AMOTL1: variants seen among roughly 807,000 people sequenced by gnomAD.
AMOTL1 encodes angiomotin like 1, also known as angiomotin-like protein 1.
AMOTL1 carries 45 observed loss-of-function variants against 102.9 expected under a neutral mutation model. The ratio of observed to expected loss-of-function variants is 0.44; its 90% CI spans 0.34 to 0.56. The LOEUF (loss-of-function observed/expected upper bound fraction) is 0.56, where lower values mean the gene tolerates loss of function less well. Ranked by LOEUF, AMOTL1 falls within the 20% of genes least tolerant of loss-of-function variation. The pLI, the probability that AMOTL1 is intolerant of heterozygous loss-of-function variation, is 0.01. For synonymous variants in AMOTL1, 481 were observed against 484.7 expected, an observed-to-expected ratio of 0.99 and a Z score of 0.10; for missense variants, 1,114 against 1,225.6, an observed-to-expected ratio of 0.91 and a Z score of 1.36.
At position 94,800,162 on chromosome 11, in the gene AMOTL1, C is replaced by T. The variant is rs1951448593; in HGVS notation, c.972C>T (p.Val324=). 2 of 1,613,994 alleles carry T rather than the reference C, an allele frequency of 1.2e-6. No homozygotes were observed. The highest frequency in any genetic ancestry group is 1.3e-5 in the African/African-American group (1 of 75,038). Residue 324 remains valine (V), a synonymous_variant, in exon 3 of 13, where the codon GTC becomes GTT. Coordinates refer to ENST00000433060, the MANE Select transcript of AMOTL1 (RefSeq NM_130847.3). ...AGACCAAGCAAATGATGTCCCCAGT[C>T]AGCAAGACCCAGGAGCACGGACTTT... ...PFKTKQMMSP[V]SKTQEHGLFY... is the part of the protein sequence containing the mutation.
At position 94,866,097 on chromosome 11, in the gene AMOTL1, G is replaced by C; in HGVS notation, c.2417G>C (p.Arg806Pro). Reference sequence around the variant, plus strand: ...GCAGCAGCTACTGGGACACACTCTCGCCAGACCTCTCTTACCAGCAGCCAG... The same window carrying C: ...GCAGCAGCTACTGGGACACACTCTCCCCAGACCTCTCTTACCAGCAGCCAG... Reference protein sequence around the residue: ...SIAAATGTHSRQTSLTSSQLA... With the variant: ...SIAAATGTHSPQTSLTSSQLA... The change falls in exon 11 of 13, where the codon CGC becomes CCC. Residue 806 changes from arginine (R) to proline (P), a missense_variant. By Grantham distance (103) the Arg-to-Pro change is moderately radical. Coordinates refer to ENST00000433060, the MANE Select transcript of AMOTL1 (RefSeq NM_130847.3). 6.2e-7 allele frequency: 1 copy of C among 1,613,952 alleles called. No homozygotes were observed. Among genetic ancestry groups the C allele is most frequent in the Non-Finnish European group, 8.5e-7 (1 of 1,179,882 alleles).
At chr11:94,769,162 T>C (rs1444484720) in intron 1 of AMOTL1, among the ~76,000 whole-genome samples, 16 of 152,236 alleles carry the variant, frequency 1.1e-4, no homozygotes, top group African/African-American at 3.9e-4. Context: ...TTTGACAAAC[T>C]GGAGAGTTAC....
At chr11:94,792,129 A>G (rs1951294127) in intron 1 of AMOTL1, among the ~76,000 whole-genome samples, 1 of 152,232 alleles carries the variant, frequency 6.6e-6, no homozygotes, top group Non-Finnish European at 1.5e-5. Context: ...ACCATGGAAT[A>G]CTATGCAGCC....
At chr11:94,763,596 G>A (rs867952368), upstream of AMOTL1, among the ~76,000 whole-genome samples, 7 of 152,064 alleles carry the variant, frequency 4.6e-5, no homozygotes, top group African/African-American at 1.5e-4. Context: ...AAGCCTTACC[G>A]ATAATATAAA....
chr11:94,755,265 G>A (rs1950707385), intron 3 of AMOTL1, among the ~76,000 whole-genome samples: 1 of 152,060 alleles, frequency 6.6e-6, no homozygotes, highest in South Asian at 2.1e-4. Flanking sequence ...TGGCTTCTGG[G>A]GTCTGAATGT....
In AMOTL1 at chr11:94,836,760, C is replaced by CTT. The variant is rs200404531; in HGVS notation, c.1648+5233_1648+5234dup. Among the ~76,000 whole-genome samples, 198 of 140,838 alleles carry CTT rather than the reference C, an allele frequency of 1.4e-3. 1 individual carries two copies. The highest frequency in any genetic ancestry group is 4.5e-3 in the African/African-American group (170 of 37,924). 92.4% of individuals were successfully genotyped at this position (140,838 alleles called of 152,430 possible). ...TTTTTGCATTCTTTCTTCCTTCCTT[C>CTT]TTTTTTTTTTTTTTTAGAATAGAAG... On this transcript the variant is annotated intron_variant, in intron 6 of 12. Coordinates refer to ENST00000433060, the MANE Select transcript of AMOTL1 (RefSeq NM_130847.3).
At chr11:94,762,692 C>G (rs373519598) in intron 3 of AMOTL1, among the ~76,000 whole-genome samples, 1 of 152,204 alleles carries the variant, frequency 6.6e-6, no homozygotes, top group African/African-American at 2.4e-5. Context: ...GGGTCTGACA[C>G]CAGTTTGTTT....
intron 9 of AMOTL1, among the ~76,000 whole-genome samples, chr11:94,861,659 G>A (rs1046103955): frequency 1.3e-5 from 2 of 152,162 alleles, no homozygotes; most frequent in Non-Finnish European, 2.9e-5. Context: ...ATGAGAGCAG[G>A]GAACCTGACC....
chr11:94,744,980 T>C (rs1277657701), intron 3 of AMOTL1, among the ~76,000 whole-genome samples: 6 of 152,352 alleles, frequency 3.9e-5, no homozygotes, highest in Middle Eastern at 3.4e-3. Context: ...ACTTTTAGTG[T>C]TGATTTGTTG....
At chr11:94,831,378 TA>T in intron 5 of AMOTL1, 73 bp from the exon 6 acceptor site, 1 of 1,250,642 alleles carries the variant, frequency 8.0e-7, no homozygotes, top group Non-Finnish European at 1.1e-6. Context: ...TCTTGGCACA[TA>T]TTTCATTTCT....
rs1951440275 is a variant in AMOTL1, at chr11:94,799,894, C to G, written c.704C>G (p.Thr235Ser). 1.2e-6 allele frequency: 2 copies of G among 1,602,088 alleles called. No homozygotes were observed. The highest frequency in any genetic ancestry group is 1.7e-6 in the Non-Finnish European group (2 of 1,173,630). Reference sequence around the variant, plus strand: ...AAGTCCCGAACTGAGGGGAGGCCCACTGTGAACCGTGCCAACAGTGGACAG... The same window carrying G: ...AAGTCCCGAACTGAGGGGAGGCCCAGTGTGAACCGTGCCAACAGTGGACAG... Reference protein sequence around the residue: ...SQKSRTEGRPTVNRANSGQAH... With the variant: ...SQKSRTEGRPSVNRANSGQAH... The change falls in exon 3 of 13, where the codon ACT becomes AGT. Residue 235 changes from threonine (T) to serine (S), a missense_variant. Physicochemically the swap from Thr to Ser is moderately conservative, Grantham distance 58. Coordinates refer to ENST00000433060, the MANE Select transcript of AMOTL1 (RefSeq NM_130847.3). The surrounding 1 kb of genome is among the most constrained non-coding windows in gnomAD (Gnocchi z 4.5).
intron 1 of AMOTL1, among the ~76,000 whole-genome samples, chr11:94,783,821 T>C (rs553314390): frequency 1.3e-5 from 2 of 152,342 alleles, no homozygotes; most frequent in East Asian, 1.9e-4. Flanking sequence ...TATATCTTTG[T>C]GGAATGAATG....
At chr11:94,756,965 A>C (rs2135496659) in intron 3 of AMOTL1, among the ~76,000 whole-genome samples, 1 of 145,058 alleles carries the variant, frequency 6.9e-6, no homozygotes, top group South Asian at 2.3e-4. Flanking sequence ...TATAATTACT[A>C]ATTTACCTAA....
At chr11:94,787,687 CAAAAAAAAAAAAAAAAAAAAAAA>C (rs59563004) in intron 1 of AMOTL1, among the ~76,000 whole-genome samples, 56 of 57,550 alleles carry the variant, frequency 9.7e-4, no homozygotes, top group African/African-American at 4.2e-3. Context: ...AACTCCGTCT[CAAAAAAAAAAAAAAAAAAAAAAA>C]AAAAAAAAAA....
chr11:94,818,679 A>G (rs1406389382), intron 3 of AMOTL1, among the ~76,000 whole-genome samples: 1 of 152,176 alleles, frequency 6.6e-6, no homozygotes, highest in African/African-American at 2.4e-5. Context: ...AATGTTTTTC[A>G]ATGTTTATTA....
chr11:94,707,248 C>CTGTGTGTG (rs1225814157), intron 1 of AMOTL1, among the ~76,000 whole-genome samples: 946 of 65,858 alleles, frequency 0.014, 8 homozygotes, highest in African/African-American at 0.033. Flanking sequence ...CTCTCTCTCT[C>CTGTGTGTG]TCTGTGTGTG....
chr11:94,715,989 A>G (rs1049255296), intron 1 of AMOTL1, among the ~76,000 whole-genome samples: 1 of 152,102 alleles, frequency 6.6e-6, no homozygotes, highest in Non-Finnish European at 1.5e-5. Context: ...GATGCTAATG[A>G]TAAAATATTA....
At chr11:94,866,916 A>G in intron 11 of AMOTL1, among the ~76,000 whole-genome samples, 1 of 152,150 alleles carries the variant, frequency 6.6e-6, no homozygotes, top group East Asian at 1.9e-4. Flanking sequence ...TCTTGGGGGC[A>G]GGCAGGCTTG....
At chr11:94,744,836 T>A (rs957578838) in intron 3 of AMOTL1, among the ~76,000 whole-genome samples, 2 of 152,164 alleles carry the variant, frequency 1.3e-5, no homozygotes, top group Non-Finnish European at 2.9e-5. Flanking sequence ...AAAGCACACA[T>A]AACAGAACCT....
Sources: gnomAD v4.1 joint callset for allele counts (sites outside exome capture counted in the v4.1 genomes callset) on GRCh38, gnomAD v4.1.1 for gene constraint, Gnocchi (gnomAD v3.1) non-coding constraint, MANE v1.5 for transcripts, NCBI Gene and HGNC (gene_info 2026-07-23, HGNC 2026-07-21) for gene names.